Variants in WDPCP observed in about 807,000 individuals in gnomAD.
WDPCP encodes WD repeat-containing and planar cell polarity effector protein fritz homolog.
In WDPCP, 71 loss-of-function variants were observed where a neutral mutation model predicts 93.1. The observed-to-expected ratio is 0.76, with a 90% CI of 0.63 to 0.93. The LOEUF is 0.93. WDPCP is among the 40% of genes least tolerant of loss of function. The pLI, the probability that WDPCP is intolerant of heterozygous loss-of-function variation, is 0.00. For synonymous variants in WDPCP, 315 were observed against 315.0 expected (o/e 1.00, Z 0.00); for missense variants, 844 against 887.4 (o/e 0.95, Z 0.62).
At chr2:63,572,656 T>A (rs1707602212) in intron 1 of WDPCP, among the ~76,000 whole-genome samples, 1 of 118,042 alleles carries the variant, frequency 8.5e-6, no homozygotes, top group Admixed American at 1.2e-4. Flanking sequence ...TGAGCCCAGA[T>A]TGCACCACTG....
At chr2:63,293,985 G>A (rs1188888256) in intron 13 of WDPCP, among the ~76,000 whole-genome samples, 1 of 152,090 alleles carries the variant, frequency 6.6e-6, no homozygotes, top group Non-Finnish European at 1.5e-5. Flanking sequence ...TTGATGAAAG[G>A]TATGAATACA....
chr2:63,515,055 A>T (rs1176898507), intron 1 of WDPCP, among the ~76,000 whole-genome samples: 1 of 152,126 alleles, frequency 6.6e-6, no homozygotes, highest in East Asian at 1.9e-4. Flanking sequence ...TATTCAAAGG[A>T]CAGTTTGCCA....
At chr2:63,383,619 A>G (rs538408048) in intron 10 of WDPCP, among the ~76,000 whole-genome samples, 124 of 152,308 alleles carry the variant, frequency 8.1e-4, no homozygotes, top group African/African-American at 2.7e-3. Context: ...AGGCTGCAGC[A>G]GGAGAATCGC....
chr2:63,478,339 A>G (rs1179350072), intron 6 of WDPCP, among the ~76,000 whole-genome samples: 1 of 152,144 alleles, frequency 6.6e-6, no homozygotes. Context: ...AAAAAAATGG[A>G]TTTAACAGAT....
chr2:63,353,300 C>T (rs1020820186), intron 12 of WDPCP, among the ~76,000 whole-genome samples: 13 of 152,108 alleles, frequency 8.5e-5, no homozygotes, highest in Admixed American at 2.6e-4. Flanking sequence ...AAAGTAGCTG[C>T]GGCTCCAGCA....
chr2:63,674,447 C>T (rs1007678728), intron 2 of WDPCP, among the ~76,000 whole-genome samples: 3 of 152,162 alleles, frequency 2.0e-5, no homozygotes, highest in African/African-American at 7.2e-5. Flanking sequence ...AAGCCAGGCA[C>T]AGCAGGATAA....
intron 6 of WDPCP, among the ~76,000 whole-genome samples, chr2:63,469,250 G>A (rs1575478972): frequency 6.6e-6 from 1 of 152,154 alleles, no homozygotes; most frequent in South Asian, 2.1e-4. Context: ...TGTTGGTGGG[G>A]GTGTAAATTA....
chr2:63,156,362 AAC>A (rs1253324305), intron 15 of WDPCP, among the ~76,000 whole-genome samples: 9 of 152,166 alleles, frequency 5.9e-5, no homozygotes, highest in Non-Finnish European at 1.3e-4. Flanking sequence ...TTAGACTTAT[AAC>A]ACAGTATTTC....
At chr2:63,157,952 T>C (rs933278211) in intron 15 of WDPCP, among the ~76,000 whole-genome samples, 3 of 152,118 alleles carry the variant, frequency 2.0e-5, no homozygotes, top group East Asian at 3.9e-4. Context: ...GAAGCTTAGA[T>C]TGTTGACTGA....
chr2:63,588,947 A>G (rs1575715463), upstream of WDPCP: 7 of 1,577,588 alleles, frequency 4.4e-6, no homozygotes, highest in South Asian at 2.2e-5. Flanking sequence ...TCTCGCTAAC[A>G]CCGCTCGCCC....
intron 3 of WDPCP, among the ~76,000 whole-genome samples, chr2:63,621,121 G>C (rs568114270): frequency 9.9e-5 from 15 of 151,972 alleles, no homozygotes; most frequent in Non-Finnish European, 2.1e-4. Flanking sequence ...TCTTCCAAAG[G>C]ATCACAACTC....
At chr2:63,803,441 A>G (rs1670721924) in intron 2 of WDPCP, among the ~76,000 whole-genome samples, 1 of 152,182 alleles carries the variant, frequency 6.6e-6, no homozygotes, top group Non-Finnish European at 1.5e-5. Flanking sequence ...ATATTGTTAA[A>G]TAATATGGAA....
chr2:63,757,678 A>G (rs917078276), intron 2 of WDPCP, among the ~76,000 whole-genome samples: 9 of 152,232 alleles, frequency 5.9e-5, no homozygotes, highest in African/African-American at 1.7e-4. Flanking sequence ...ATGGGACTGT[A>G]CTTTCCTGCC....
intron 17 of WDPCP, among the ~76,000 whole-genome samples, chr2:63,146,210 C>T (rs927198729): frequency 1.1e-4 from 17 of 152,176 alleles, no homozygotes; most frequent in East Asian, 9.6e-4. Flanking sequence ...TTTCTCTTGC[C>T]TGGTTGCTCT....
intron 4 of WDPCP, among the ~76,000 whole-genome samples, chr2:63,486,069 T>C (rs924434566): frequency 6.6e-6 from 1 of 151,754 alleles, no homozygotes; most frequent in Non-Finnish European, 1.5e-5. Flanking sequence ...AATGTATGTT[T>C]AATTCTATGT....
At chr2:63,254,543 T>G (rs1365045076) in intron 14 of WDPCP, among the ~76,000 whole-genome samples, 1 of 152,110 alleles carries the variant, frequency 6.6e-6, no homozygotes, top group Non-Finnish European at 1.5e-5. Context: ...TAAAGATAAT[T>G]ATATATTAAT....
chr2:63,157,539 T>C (rs1672345463), intron 15 of WDPCP, among the ~76,000 whole-genome samples: 1 of 152,210 alleles, frequency 6.6e-6, no homozygotes, highest in African/African-American at 2.4e-5. Flanking sequence ...TTTTTTGTTT[T>C]GTTTTAAACT....
At chr2:63,491,307 G>A (rs145776667) in intron 2 of WDPCP, among the ~76,000 whole-genome samples, 1 of 152,072 alleles carries the variant, frequency 6.6e-6, no homozygotes, top group East Asian at 1.9e-4. Context: ...CAAATATCTA[G>A]TGATCCTTAG....
At chr2:63,828,602 G>C (rs989039305), upstream of WDPCP, among the ~76,000 whole-genome samples, 3 of 152,030 alleles carry the variant, frequency 2.0e-5, no homozygotes, top group African/African-American at 7.2e-5. Flanking sequence ...AGGCAGATGA[G>C]GTTTTCTGTG....
Sources: gnomAD v4.1 joint callset for allele counts (sites outside exome capture counted in the v4.1 genomes callset) on GRCh38, gnomAD v4.1.1 for gene constraint, MANE v1.5 for transcripts, NCBI Gene and HGNC (gene_info 2026-07-23, HGNC 2026-07-21) for gene names.